The following PITRM1 variants were observed in gnomAD, a reference collection of about 807,000 sequenced individuals.
PITRM1 encodes pitrilysin metallopeptidase 1, also known as presequence protease, mitochondrial.
PITRM1 carries 100 observed loss-of-function variants against 129.9 expected under a neutral mutation model. That is an observed-to-expected ratio of 0.77 (90% CI 0.65 to 0.91). PITRM1 has a LOEUF of 0.91. PITRM1 is among the 40% of genes least tolerant of loss of function. The probability of loss-of-function intolerance (pLI) is 0.00; values close to 1 mark genes in which losing one functional copy is unlikely to be tolerated. For missense variants in PITRM1, 1,471 were observed against 1,318.3 expected, an observed-to-expected ratio of 1.12 and a Z score of -1.79; for synonymous variants, 591 against 508.8, an observed-to-expected ratio of 1.16 and a Z score of -2.17.
In PITRM1 at chr10:3,138,871, G is replaced by C. The variant is rs764424541; in HGVS notation, c.2917+33C>G. 8 of 1,608,124 alleles carry C rather than the reference G, an allele frequency of 5.0e-6. No individual in the cohort carries two copies. In the East Asian group the frequency reaches 1.8e-4, roughly 36 times the overall value. On this transcript the variant is annotated intron_variant, in intron 25 of 26. Coordinates refer to ENST00000224949, the MANE Select transcript of PITRM1 (RefSeq NM_014889.4). ...ACAGCAACGTCATCTGTGAGGCTGT[G>C]GGTTGAGATTCTCACTGTTATACTC...
At chr10:3,141,673 G>A (rs1436309949) in intron 23 of PITRM1, 8 of 470,748 alleles carry the variant, frequency 1.7e-5, no homozygotes, top group Non-Finnish European at 3.5e-5. Context: ...CACAGACACA[G>A]GCTCCTTGAA....
intron 21 of PITRM1, among the ~76,000 whole-genome samples, chr10:3,144,581 T>C (rs941814304): frequency 1.3e-5 from 2 of 152,116 alleles, no homozygotes; most frequent in African/African-American, 4.8e-5. Flanking sequence ...GGTGGGAGGA[T>C]TGCTTGGGTC....
intron 12 of PITRM1, 62 bp downstream of exon 12, chr10:3,157,373 G>A: frequency 1.0e-6 from 1 of 974,172 alleles, no homozygotes; most frequent in Non-Finnish European, 1.5e-6. Context: ...AGCCAGTTAA[G>A]CTAGTAACAA....
intron 7 of PITRM1, among the ~76,000 whole-genome samples, chr10:3,162,421 A>C (rs1842532435): frequency 6.6e-6 from 1 of 152,214 alleles, no homozygotes; most frequent in Non-Finnish European, 1.5e-5. Flanking sequence ...AATAATCCTC[A>C]ATGAATATGA....
intron 21 of PITRM1, chr10:3,145,386 G>A: frequency 1.8e-6 from 1 of 564,048 alleles, no homozygotes; most frequent in Admixed American, 3.3e-5. Context: ...GGGATCTAAG[G>A]CCACACCGCA....
intron 22 of PITRM1, chr10:3,143,819 G>A (rs1306455482): frequency 1.7e-6 from 1 of 602,226 alleles, no homozygotes; most frequent in Admixed American, 2.1e-5. Context: ...TTATATCACA[G>A]TTACATATTT....
Position 3,157,065 on chromosome 10 carries a change from C to T in PITRM1, c.1348-1G>A. Reference sequence around the variant, plus strand: ...CATGGTTCCAGCAAGAAGCTATGTACTGGAAGGAAGATTTCCACATCCACA... The same window carrying T: ...CATGGTTCCAGCAAGAAGCTATGTATTGGAAGGAAGATTTCCACATCCACA... On this transcript the variant is annotated splice_acceptor_variant, in intron 12 of 26. Transcript: ENST00000224949. LOFTEE classifies it high-confidence loss of function. 6.2e-7 allele frequency: 1 copy of T among 1,603,822 alleles called. No homozygotes were observed. The highest frequency in any genetic ancestry group is 8.5e-7 in the Non-Finnish European group (1 of 1,177,272).
chr10:3,163,880 G>T lies in PITRM1; in HGVS notation c.636C>A (p.Asp212Glu). The T allele has an allele frequency of 6.3e-7, 1 of 1,598,698 alleles. No individual in the cohort carries two copies. The highest frequency in any genetic ancestry group is 1.7e-4 in the Middle Eastern group (1 of 5,912). ...GGTGCTGGGAGAATATCCTCTCATT[G>T]TCTGTCTTGAAACGTAAAATAAATA... Reference protein sequence around the residue: ...VFNEMKGAFTDNERIFSQHLQ... With the variant: ...VFNEMKGAFTENERIFSQHLQ... The change falls in exon 7 of 27, where the codon GAC becomes GAA. Residue 212 changes from aspartate (D) to glutamate (E), a missense_variant. Transcript: ENST00000224949.
chr10:3,148,400 G>A lies in PITRM1; in HGVS notation c.1872-109C>T, dbSNP rs190141791. 6.1e-5 allele frequency: 85 copies of A among 1,393,040 alleles called. 1 individual carries two copies. Among genetic ancestry groups the A allele is most frequent in the African/African-American group, 7.2e-5 (5 of 69,628 alleles). 86.3% of individuals were successfully genotyped at this position (1,393,040 alleles called of 1,614,324 possible). ...TTGCTTCCATTAATTCAATAACTGC[G>A]GCTTTGCCAACCTCTCTACACTTCG... On this transcript the variant is annotated intron_variant, in intron 16 of 26. Coordinates refer to ENST00000224949, the MANE Select transcript of PITRM1 (RefSeq NM_014889.4).
At chr10:3,147,365 T>C in intron 19 of PITRM1, 115 bp from the exon 20 acceptor site, 1 of 978,944 alleles carries the variant, frequency 1.0e-6, no homozygotes, top group Admixed American at 2.0e-5. Flanking sequence ...TGTGTGCGAG[T>C]GCACGGCTTG....
intron 7 of PITRM1, among the ~76,000 whole-genome samples, chr10:3,162,763 A>G (rs1469953464): frequency 1.3e-5 from 2 of 152,252 alleles, no homozygotes; most frequent in East Asian, 3.8e-4. Flanking sequence ...GCCACCTGGA[A>G]AGTGAGTGCG....
At chr10:3,142,168 T>C (rs1231417110) in intron 23 of PITRM1, among the ~76,000 whole-genome samples, 2 of 152,206 alleles carry the variant, frequency 1.3e-5, no homozygotes, top group African/African-American at 2.4e-5. Context: ...TCTGCCGGCA[T>C]AGCAGACAGA....
intron 22 of PITRM1, chr10:3,144,072 G>A (rs777478034): frequency 6.3e-5 from 37 of 589,732 alleles, no homozygotes; most frequent in African/African-American, 1.1e-4. Context: ...GGCCCTCCTC[G>A]GCACAGGAGG....
At chr10:3,172,834 C>G, upstream of PITRM1, 2 of 1,494,066 alleles carry the variant, frequency 1.3e-6, no homozygotes, top group Non-Finnish European at 1.8e-6. Context: ...GGGCGCGGGG[C>G]GGGGCTTGCC....
chr10:3,141,357 C>G (rs1388863631), intron 23 of PITRM1, among the ~76,000 whole-genome samples: 1 of 152,162 alleles, frequency 6.6e-6, no homozygotes, highest in Non-Finnish European at 1.5e-5. Context: ...TTAACTTGTT[C>G]CAATGCACAT....
At chr10:3,156,833 A>T in intron 13 of PITRM1, 97 bp downstream of exon 13, 1 of 744,754 alleles carries the variant, frequency 1.3e-6, no homozygotes, top group Non-Finnish European at 2.0e-6. Flanking sequence ...CCATTAACAG[A>T]AATTACTTAA....
chr10:3,163,598 T>C (rs1472020462), intron 7 of PITRM1, 127 bp downstream of exon 7: 1 of 833,688 alleles, frequency 1.2e-6, no homozygotes, highest in Non-Finnish European at 1.9e-6. Flanking sequence ...AGGCCAAGAA[T>C]CTTACCTAGA....
chr10:3,149,939 C>CA (rs1267290289), intron 15 of PITRM1, among the ~76,000 whole-genome samples, 186 bp from the exon 16 acceptor site: 1 of 152,174 alleles, frequency 6.6e-6, no homozygotes, highest in African/African-American at 2.4e-5. Context: ...AATAGTAAAG[C>CA]AACCCGTGCT....
Position 3,167,042 on chromosome 10 carries a change from C to T in PITRM1, c.160G>A (p.Val54Met). ...DKIHGFTVNQ[V>M]TSVPELFLTA... The stretch of plus-strand genomic sequence containing the variant: ...AGGAACAGCTCGGGAACAGATGTCA[C>T]CTGAGTTAACAAGAAAAACACGACC... The change falls in exon 3 of 27, where the codon GTG becomes ATG. Residue 54 changes from valine (V) to methionine (M), a missense_variant and splice_region_variant. Val to Met is a conservative substitution (Grantham distance 21, BLOSUM62 1). Transcript: ENST00000224949. The T allele has an allele frequency of 6.3e-7, 1 of 1,589,128 alleles. No individual in the cohort carries two copies. Among genetic ancestry groups the T allele is most frequent in the Non-Finnish European group, 8.6e-7 (1 of 1,163,886 alleles).
Sources: allele counts gnomAD v4.1 joint callset (sites outside exome capture counted in the v4.1 genomes callset), GRCh38; gene constraint gnomAD v4.1.1; transcripts MANE v1.5; gene names NCBI Gene and HGNC (gene_info 2026-07-23, HGNC 2026-07-21).